TOM1L1: variants seen among roughly 807,000 people sequenced by gnomAD.
The protein encoded by TOM1L1 is target of myb1 like 1 membrane trafficking protein.
TOM1L1 carries 64 observed loss-of-function variants against 63.4 expected under a neutral mutation model. The ratio of observed to expected loss-of-function variants is 1.01; its 90% CI spans 0.83 to 1.24. The LOEUF (loss-of-function observed/expected upper bound fraction) is 1.24, where lower values mean the gene tolerates loss of function less well. TOM1L1 is among the 50% of genes most tolerant of loss of function. The pLI is 0.00. For missense variants in TOM1L1, 536 were observed against 567.0 expected (o/e 0.95, Z 0.55); for synonymous variants, 166 against 194.4 (o/e 0.85, Z 1.22).
In TOM1L1 at chr17:54,939,058, A is replaced by C. The variant is rs114909352; in HGVS notation, c.1130+38A>C. On this transcript the variant is annotated intron_variant, in intron 11 of 15. Transcript: ENST00000575882. ...GTAACACTGCAGAACTAATATCATG[A>C]CATTTAGATTCCTTACAATTAAGAA... The C allele has an allele frequency of 7.3e-4, 970 of 1,321,088 alleles. 5 individuals are homozygous for C. In the African/African-American group the frequency reaches 0.011, roughly 15 times the overall value. 81.8% of individuals were successfully genotyped at this position (1,321,088 alleles called of 1,614,324 possible).
At chr17:54,921,681 A>T (rs1381838166) in intron 7 of TOM1L1, among the ~76,000 whole-genome samples, 1 of 152,174 alleles carries the variant, frequency 6.6e-6, no homozygotes, top group Non-Finnish European at 1.5e-5. Flanking sequence ...CAGTGAGCAG[A>T]GATTGTGCCA....
chr17:54,914,767 TA>T (rs3834969), intron 6 of TOM1L1, 24 bp downstream of exon 6: 462,584 of 1,555,386 alleles, frequency 0.3, 70,595 homozygotes, highest in Middle Eastern at 0.33. Flanking sequence ...TCATTGCATT[TA>T]ATTGATGTCT....
intron 13 of TOM1L1, 53 bp from the exon 14 acceptor site, chr17:54,949,992 G>T: frequency 7.4e-7 from 1 of 1,353,008 alleles, no homozygotes; most frequent in South Asian, 1.2e-5. Context: ...TATCAATTGC[G>T]TGTACTCCTC....
chr17:54,957,243 T>C (rs2049557895), intron 14 of TOM1L1: 1 of 152,228 alleles, frequency 6.6e-6, no homozygotes. Flanking sequence ...AATGTAATGG[T>C]TGACTTAATT....
chr17:54,931,540 C>G (rs1387970058), intron 8 of TOM1L1, among the ~76,000 whole-genome samples: 1 of 152,192 alleles, frequency 6.6e-6, no homozygotes, highest in African/African-American at 2.4e-5. Context: ...TGGTGCACAC[C>G]TGTAATCCCA....
At chr17:54,955,707 A>G (rs2049466351) in intron 14 of TOM1L1, among the ~76,000 whole-genome samples, 2 of 152,178 alleles carry the variant, frequency 1.3e-5, no homozygotes, top group South Asian at 2.1e-4. Flanking sequence ...GACCTGAAAG[A>G]AGGAACTTCT....
At chr17:54,944,005 TAAATA>T (rs1467419835) in intron 11 of TOM1L1, among the ~76,000 whole-genome samples, 2 of 135,768 alleles carry the variant, frequency 1.5e-5, no homozygotes, top group Admixed American at 7.2e-5. Context: ...AATACATAAA[TAAATA>T]AAAGGAAGTA....
At chr17:54,904,903 T>A (rs1452995642) in intron 2 of TOM1L1, among the ~76,000 whole-genome samples, 1 of 152,252 alleles carries the variant, frequency 6.6e-6, no homozygotes, top group Non-Finnish European at 1.5e-5. Context: ...TGTATGGTTT[T>A]TTTCCTATAA....
Position 54,930,111 on chromosome 17 carries a change from C to T in TOM1L1, c.759C>T (p.Ile253=). 6.2e-7 allele frequency: 1 copy of T among 1,614,068 alleles called. No homozygotes were observed. The highest frequency in any genetic ancestry group is 8.5e-7 in the Non-Finnish European group (1 of 1,179,986). The change falls in exon 8 of 16, where the codon ATC becomes ATT. Residue 253 remains isoleucine (I), a synonymous_variant. Transcript: ENST00000575882. ...CAGGTCGGGAGATGCAGGAGAGGAT[C>T]ATGGACCTGCTTGTGGTGGTGGAGA... ...YKTGREMQER[I]MDLLVVVENE... is the part of the protein sequence containing the mutation.
chr17:54,925,366 T>C (rs1395568935), intron 7 of TOM1L1, among the ~76,000 whole-genome samples: 1 of 152,204 alleles, frequency 6.6e-6, no homozygotes, highest in Non-Finnish European at 1.5e-5. Flanking sequence ...CTTCCTCCTG[T>C]TTCCTGCCAG....
chr17:54,950,607 T>G (rs1173848194), intron 14 of TOM1L1, among the ~76,000 whole-genome samples: 1 of 152,208 alleles, frequency 6.6e-6, no homozygotes, highest in African/African-American at 2.4e-5. Flanking sequence ...GATTTCATAT[T>G]GGTCAAGATA....
chr17:54,904,451 T>C (rs948650950), intron 2 of TOM1L1, among the ~76,000 whole-genome samples: 4 of 152,130 alleles, frequency 2.6e-5, no homozygotes, highest in Admixed American at 2.6e-4. Flanking sequence ...TGCCAGTATT[T>C]GATGAAACCA....
intron 13 of TOM1L1, 31 bp from the exon 14 acceptor site, chr17:54,950,011 CAAT>C (rs1567841598): frequency 6.4e-7 from 1 of 1,555,970 alleles, no homozygotes; most frequent in Admixed American, 1.7e-5. Context: ...TCAAAAAGCA[CAAT>C]ATGTTTACTG....
intron 14 of TOM1L1, among the ~76,000 whole-genome samples, chr17:54,958,979 A>C (rs549447382): frequency 6.6e-6 from 1 of 152,286 alleles, no homozygotes; most frequent in East Asian, 1.9e-4. Flanking sequence ...AATAATGGAC[A>C]ATACAAATGA....
chr17:54,914,326 G>C (rs1567823269), intron 5 of TOM1L1, among the ~76,000 whole-genome samples: 1 of 149,932 alleles, frequency 6.7e-6, no homozygotes, highest in Non-Finnish European at 1.5e-5. Context: ...CAAAGAGAAG[G>C]CATCAATAAT....
At position 54,961,439 on chromosome 17, in the gene TOM1L1, C is replaced by T. The variant is rs571193433; in HGVS notation, c.*206C>T. ...ACAACAGCGTGAGATTTCAACAGAA[C>T]TTGTTTGGAACAAATACTCACTTAA... On this transcript the variant is annotated 3_prime_UTR_variant, in exon 16 of 16. Coordinates refer to ENST00000575882, the MANE Select transcript of TOM1L1 (RefSeq NM_005486.3). 15 of 1,503,390 alleles carry T rather than the reference C, an allele frequency of 1.0e-5. No homozygotes were observed. The South Asian group carries it at 1.8e-4, about 18-fold the overall frequency. The allele number at this position is 1,503,390 out of a possible 1,614,324, so 93.1% of individuals were successfully genotyped here. A position where few individuals can be genotyped will look rare whatever the true frequency, so the allele number is the denominator to read the frequency against.
rs1428267139 is a variant in TOM1L1, at chr17:54,960,588, G to A, written c.1393G>A (p.Ala465Thr). 1 of 1,613,096 alleles carries A rather than the reference G, an allele frequency of 6.2e-7. No individual in the cohort carries two copies. Among genetic ancestry groups the A allele is most frequent in the African/African-American group, 1.3e-5 (1 of 74,884 alleles). Residue 465 changes from alanine (A) to threonine (T), a missense_variant, in exon 15 of 16, where the codon GCT becomes ACT. By Grantham distance (58) the Ala-to-Thr change is moderately conservative (BLOSUM62 0). Transcript: ENST00000575882. ...CAGAGCTATTTATGAAGAAATTGAT[G>A]CTCACCAGCACAAAGGAGCTCAAAA... ...TTEAIYEEID[A>T]HQHKGAQNDG...
chr17:54,901,196 T>G (rs1298719682), intron 1 of TOM1L1: 7 of 544,230 alleles, frequency 1.3e-5, no homozygotes, highest in Non-Finnish European at 2.0e-5. Context: ...ACCGCGGGAG[T>G]CAGGCATGGA....
At chr17:54,942,014 C>A (rs2049038913) in intron 11 of TOM1L1, among the ~76,000 whole-genome samples, 1 of 152,086 alleles carries the variant, frequency 6.6e-6, no homozygotes, top group South Asian at 2.1e-4. Context: ...AATTTATTCA[C>A]CATCACAGAA....
Sources: allele counts gnomAD v4.1 joint callset (sites outside exome capture counted in the v4.1 genomes callset), GRCh38; gene constraint gnomAD v4.1.1; transcripts MANE v1.5; gene names NCBI Gene and HGNC (gene_info 2026-07-23, HGNC 2026-07-21).